Variants in ARHGEF11 observed in about 807,000 individuals in gnomAD.
The protein encoded by ARHGEF11 is Rho guanine exchange factor (GEF) 11.
ARHGEF11 carries 55 observed loss-of-function variants against 193.7 expected under a neutral mutation model. That is an observed-to-expected ratio of 0.28 (90% CI 0.23 to 0.36). The LOEUF (loss-of-function observed/expected upper bound fraction) is 0.36. ARHGEF11 is among the 10% of genes least tolerant of loss of function. The probability of loss-of-function intolerance (pLI) is 1.00; values close to 1 mark genes in which losing one functional copy is unlikely to be tolerated. For missense variants in ARHGEF11, 1,723 were observed against 2,005.6 expected (o/e 0.86, Z 2.69); for synonymous variants, 693 against 768.0 (o/e 0.90, Z 1.62).
At chr1:157,010,369 C>CA (rs55816506) in intron 1 of ARHGEF11, among the ~76,000 whole-genome samples, 114,942 of 151,860 alleles carry the variant, frequency 0.76, 43,955 homozygotes, top group Non-Finnish European at 0.81. Context: ...GGAGCCCACA[C>CA]AAAAAAATTA....
intron 1 of ARHGEF11, among the ~76,000 whole-genome samples, chr1:157,000,743 C>A (rs142935740): frequency 7.7e-4 from 118 of 152,316 alleles, no homozygotes; most frequent in African/African-American, 2.7e-3. Flanking sequence ...GTCTGCTTGT[C>A]TTTGCAATCC....
intron 1 of ARHGEF11, among the ~76,000 whole-genome samples, chr1:157,002,040 T>A (rs1351697778): frequency 1.3e-5 from 2 of 152,162 alleles, no homozygotes; most frequent in Non-Finnish European, 2.9e-5. Flanking sequence ...TGTGCATGTA[T>A]GGGATTGGGA....
At chr1:157,030,102 A>G (rs950714474) in intron 1 of ARHGEF11, among the ~76,000 whole-genome samples, 1 of 152,208 alleles carries the variant, frequency 6.6e-6, no homozygotes, top group Non-Finnish European at 1.5e-5. Context: ...ATATACTAAA[A>G]ATCACTGAAC....
chr1:156,953,010 T>C (rs1229216956), intron 21 of ARHGEF11, among the ~76,000 whole-genome samples: 1 of 152,222 alleles, frequency 6.6e-6, no homozygotes, highest in Non-Finnish European at 1.5e-5. Context: ...CATGGGCCAC[T>C]TGGAAAATGC....
intron 1 of ARHGEF11, among the ~76,000 whole-genome samples, chr1:157,016,423 T>A (rs1210656780): frequency 6.6e-6 from 1 of 152,156 alleles, no homozygotes; most frequent in Non-Finnish European, 1.5e-5. Context: ...TTTCACCATG[T>A]TGGCTAGGCT....
At chr1:156,980,015 G>C (rs929922975) in intron 4 of ARHGEF11, among the ~76,000 whole-genome samples, 1 of 152,118 alleles carries the variant, frequency 6.6e-6, no homozygotes, top group Non-Finnish European at 1.5e-5. Context: ...CCATTCTGTC[G>C]AAGAAAGGTC....
chr1:157,015,947 A>G (rs1294732027), intron 1 of ARHGEF11, among the ~76,000 whole-genome samples: 2 of 152,192 alleles, frequency 1.3e-5, no homozygotes, highest in African/African-American at 2.4e-5. Flanking sequence ...ACCTTTTCAC[A>G]ATATGGGGAT....
In ARHGEF11 at chr1:156,952,751, T is replaced by C. The variant is rs575797952; in HGVS notation, c.1799-1052A>G. Among the ~76,000 whole-genome samples the C allele has an allele frequency of 2.2e-4, 34 of 152,392 alleles. 1 individual carries two copies. In the South Asian group the frequency reaches 4.6e-3, roughly 20 times the overall value. On this transcript the variant is annotated intron_variant, in intron 21 of 40. Coordinates refer to ENST00000368194, the MANE Select transcript of ARHGEF11 (RefSeq NM_198236.3). ...TAGGCAAGTGGCTAGGGAATATTTTTCTAAAACTGTGTAAGTAGCTGTGGG... is the reference window on the plus strand; with the variant it reads ...TAGGCAAGTGGCTAGGGAATATTTTCCTAAAACTGTGTAAGTAGCTGTGGG...
Position 156,968,003 on chromosome 1 carries a change from G to C in ARHGEF11, c.947C>G (p.Pro316Arg). Residue 316 changes from proline (P) to arginine (R), a missense_variant, in exon 11 of 41, where the codon CCC (proline) becomes CGC (arginine). Around this residue, in one of 5 missense-constraint regions of ARHGEF11, gnomAD observed 646 missense variants for 710.7 expected, o/e 0.91. Coordinates refer to ENST00000368194, the MANE Select transcript of ARHGEF11 (RefSeq NM_198236.3). ...HRRQGSDAAV[P>R]STGDQGVDQS... ...ATCACTCACCTGGTCACCGGTTGAGGGGACTGCTGCATCCGAGCCCTGCCG... is the reference window on the plus strand; with the variant it reads ...ATCACTCACCTGGTCACCGGTTGAGCGGACTGCTGCATCCGAGCCCTGCCG... 6.2e-7 allele frequency: 1 copy of C among 1,614,194 alleles called. No individual in the cohort carries two copies. Among genetic ancestry groups the C allele is most frequent in the Non-Finnish European group, 8.5e-7 (1 of 1,180,034 alleles).
At chr1:156,980,299 G>A (rs200915067) in intron 4 of ARHGEF11, 138 bp downstream of exon 4, 21 of 977,392 alleles carry the variant, frequency 2.1e-5, no homozygotes, top group East Asian at 1.3e-4. Flanking sequence ...GTGCTCCCTC[G>A]TATGGTACCA....
chr1:157,026,813 A>C (rs1336682520), intron 1 of ARHGEF11, among the ~76,000 whole-genome samples: 2 of 152,250 alleles, frequency 1.3e-5, no homozygotes, highest in Admixed American at 6.5e-5. Context: ...GCTAACTGTT[A>C]TTATGGATCT....
chr1:157,032,588 C>T (rs1042445861), intron 1 of ARHGEF11, among the ~76,000 whole-genome samples: 1 of 152,154 alleles, frequency 6.6e-6, no homozygotes, highest in East Asian at 1.9e-4. Flanking sequence ...TACATCCCTA[C>T]CTTGAAAAAA....
chr1:157,000,705 T>G (rs1301104870), intron 1 of ARHGEF11, among the ~76,000 whole-genome samples: 1 of 152,214 alleles, frequency 6.6e-6, no homozygotes, highest in African/African-American at 2.4e-5. Context: ...GGGTAACTTG[T>G]GGAAGTAATG....
At chr1:157,029,996 G>C (rs1187242775) in intron 1 of ARHGEF11, among the ~76,000 whole-genome samples, 2 of 152,142 alleles carry the variant, frequency 1.3e-5, no homozygotes, top group Middle Eastern at 3.2e-3. Context: ...AGGGGAAGGG[G>C]GCAATGGGGA....
chr1:157,012,213 G>C (rs548507284), intron 1 of ARHGEF11, among the ~76,000 whole-genome samples: 12 of 152,306 alleles, frequency 7.9e-5, no homozygotes, highest in Middle Eastern at 3.4e-3. Context: ...ATTATGCTAA[G>C]TGAAAGACGC....
chr1:156,995,476 G>T (rs2102603072), intron 1 of ARHGEF11, among the ~76,000 whole-genome samples: 1 of 152,208 alleles, frequency 6.6e-6, no homozygotes, highest in African/African-American at 2.4e-5. Flanking sequence ...GACACTTAAT[G>T]TGTTGAGTTT....
At chr1:156,971,384 A>G (rs1662463964) in intron 8 of ARHGEF11, among the ~76,000 whole-genome samples, 1 of 152,238 alleles carries the variant, frequency 6.6e-6, no homozygotes, top group African/African-American at 2.4e-5. Flanking sequence ...CACTATGAAG[A>G]ACTACCCAGA....
intron 1 of ARHGEF11, among the ~76,000 whole-genome samples, chr1:157,015,397 G>A (rs1162254887): frequency 6.6e-6 from 1 of 152,178 alleles, no homozygotes. Flanking sequence ...TATGTGCAAA[G>A]TTCTTAGAAC....
intron 15 of ARHGEF11, among the ~76,000 whole-genome samples, chr1:156,959,943 C>CCCA (rs1553204878): frequency 1.3e-3 from 126 of 97,010 alleles, no homozygotes; most frequent in African/African-American, 4.7e-3. Flanking sequence ...CCCCCCCCCC[C>CCCA]AAAAAAAACA....
Sources: allele counts gnomAD v4.1 joint callset (sites outside exome capture counted in the v4.1 genomes callset), GRCh38; gene constraint gnomAD v4.1.1; regional missense constraint gnomAD v4.1.1; transcripts MANE v1.5; gene names NCBI Gene and HGNC (gene_info 2026-07-23, HGNC 2026-07-21).